PSMA1: variants seen among roughly 807,000 people sequenced by gnomAD.
PSMA1 encodes proteasome 20S subunit alpha 1.
Under a neutral mutation model 38.4 loss-of-function variants are expected in PSMA1, and 3 were observed. The observed-to-expected ratio is 0.08, with a 90% confidence interval of 0.04 to 0.20. The LOEUF (loss-of-function observed/expected upper bound fraction) is 0.20, where lower values mean the gene tolerates loss of function less well. Among genes scored for constraint, PSMA1 ranks in the 10% least tolerant of loss-of-function variants. PSMA1 has a pLI of 1.00. For missense variants in PSMA1, 227 were observed against 325.3 expected, an observed-to-expected ratio of 0.70 and a Z score of 2.32; for synonymous variants, 101 against 107.1, an observed-to-expected ratio of 0.94 and a Z score of 0.35.
At chr11:14,521,576 G>A (rs1381741567), upstream of PSMA1, among the ~76,000 whole-genome samples, 1 of 151,394 alleles carries the variant, frequency 6.6e-6, no homozygotes, top group Non-Finnish European at 1.5e-5. Context: ...ACGAGGTCAG[G>A]AGATCGGACC....
intron 9 of PSMA1, 118 bp downstream of exon 9, chr11:14,507,538 C>T: frequency 1.4e-6 from 1 of 715,254 alleles, no homozygotes; most frequent in Non-Finnish European, 2.4e-6. Context: ...TTCCTGTTGC[C>T]ATTTGAATTA....
At chr11:14,557,324 G>A (rs1851951484) in intron 2 of PSMA1, among the ~76,000 whole-genome samples, 1 of 148,852 alleles carries the variant, frequency 6.7e-6, no homozygotes. Flanking sequence ...TGCAACCTCC[G>A]CCTCCCAGGT....
intron 2 of PSMA1, among the ~76,000 whole-genome samples, chr11:14,596,172 T>A (rs1852490212): frequency 6.6e-6 from 1 of 152,210 alleles, no homozygotes; most frequent in South Asian, 2.1e-4. Context: ...TGAAGTCAGG[T>A]AGTGTGATGC....
intron 4 of PSMA1, among the ~76,000 whole-genome samples, chr11:14,516,985 A>C (rs907915086): frequency 6.6e-6 from 1 of 152,238 alleles, no homozygotes; most frequent in Non-Finnish European, 1.5e-5. Flanking sequence ...GAAAAAATTC[A>C]GTGTTTAGGT....
chr11:14,633,611 C>T (rs1853066000), intron 1 of PSMA1, among the ~76,000 whole-genome samples: 1 of 152,224 alleles, frequency 6.6e-6, no homozygotes, highest in Admixed American at 6.5e-5. Flanking sequence ...GCCCTGCCCC[C>T]AGAAGTGGAG....
chr11:14,515,555 C>CT lies in PSMA1; in HGVS notation c.255-1065dup, dbSNP rs779183596. Among the ~76,000 whole-genome samples the CT allele has an allele frequency of 1.2e-3, 160 of 135,880 alleles. 1 individual carries two copies. Among genetic ancestry groups the CT allele is most frequent in the African/African-American group, 2.1e-3 (77 of 37,066 alleles). 89.1% of individuals were successfully genotyped at this position (135,880 alleles called of 152,430 possible). ...GGGACTGGCTGAGTAAATTGAAATTCTTTTTTTTTTTTTTTAATACTGAGT... is the reference window on the plus strand; with the variant it reads ...GGGACTGGCTGAGTAAATTGAAATTCTTTTTTTTTTTTTTTTAATACTGAGT... On this transcript the variant is annotated intron_variant, in intron 4 of 9. Coordinates refer to ENST00000396394, the MANE Select transcript of PSMA1 (RefSeq NM_002786.4).
intron 1 of PSMA1, among the ~76,000 whole-genome samples, chr11:14,638,812 G>A (rs957243309): frequency 2.0e-5 from 3 of 150,510 alleles, no homozygotes; most frequent in East Asian, 1.9e-4. Flanking sequence ...CAGTGTCAAC[G>A]GTAGGCTGCC....
intron 2 of PSMA1, among the ~76,000 whole-genome samples, chr11:14,598,989 AC>A (rs2134192695): frequency 6.6e-6 from 1 of 152,046 alleles, no homozygotes; most frequent in East Asian, 1.9e-4. Flanking sequence ...TTTCTCCTTC[AC>A]TTATGAAGCT....
chr11:14,596,855 C>T (rs1852502130), intron 2 of PSMA1, among the ~76,000 whole-genome samples: 1 of 152,166 alleles, frequency 6.6e-6, no homozygotes, highest in Non-Finnish European at 1.5e-5. Flanking sequence ...AGTTTTTGCC[C>T]ATTCAGTATG....
intron 2 of PSMA1, among the ~76,000 whole-genome samples, chr11:14,579,688 A>T (rs1228179713): frequency 6.6e-6 from 1 of 152,028 alleles, no homozygotes; most frequent in East Asian, 1.9e-4. Flanking sequence ...CCATGTCTAG[A>T]TCTCTATTCT....
intron 1 of PSMA1, among the ~76,000 whole-genome samples, chr11:14,616,991 C>T (rs1193415351): frequency 1.3e-5 from 2 of 152,178 alleles, no homozygotes; most frequent in Non-Finnish European, 2.9e-5. Flanking sequence ...TAGTCACAGA[C>T]AGTGCTGGAC....
chr11:14,521,991 TTAAG>T (rs1187272114), upstream of PSMA1, among the ~76,000 whole-genome samples: 4 of 152,202 alleles, frequency 2.6e-5, no homozygotes, highest in Non-Finnish European at 5.9e-5. Context: ...GTAGCACATA[TTAAG>T]TGTTTATAAA....
chr11:14,600,821 C>T (rs1486499969), intron 2 of PSMA1, among the ~76,000 whole-genome samples: 1 of 152,168 alleles, frequency 6.6e-6, no homozygotes, highest in Non-Finnish European at 1.5e-5. Flanking sequence ...CCATCTTCTG[C>T]GTCGATCCTG....
intron 2 of PSMA1, among the ~76,000 whole-genome samples, chr11:14,535,610 A>C (rs908823682): frequency 6.6e-6 from 1 of 151,282 alleles, no homozygotes; most frequent in Non-Finnish European, 1.5e-5. Flanking sequence ...CACCCGGCTA[A>C]TTTTTGTATT....
intron 2 of PSMA1, among the ~76,000 whole-genome samples, chr11:14,538,586 A>C (rs563474051): frequency 2.6e-5 from 4 of 152,260 alleles, no homozygotes; most frequent in Non-Finnish European, 5.9e-5. Context: ...ATTTGGTTGA[A>C]AGGGTAAATC....
intron 2 of PSMA1, among the ~76,000 whole-genome samples, chr11:14,593,627 A>C (rs1236567921): frequency 6.9e-6 from 1 of 145,688 alleles, no homozygotes. Flanking sequence ...AGAGAGAGAG[A>C]GAGAGAGAGA....
upstream of PSMA1, among the ~76,000 whole-genome samples, chr11:14,522,911 A>G (rs1410162956): frequency 2.0e-5 from 3 of 152,220 alleles, no homozygotes; most frequent in African/African-American, 7.2e-5. Flanking sequence ...TTGACTTTTT[A>G]AAAATTTACT....
chr11:14,514,050 G>GTT (rs1851388246), intron 5 of PSMA1, 163 bp from the exon 6 acceptor site: 1 of 1,329,580 alleles, frequency 7.5e-7, no homozygotes, highest in Non-Finnish European at 9.6e-7. Context: ...AATATAAAAT[G>GTT]TTTGACTTTC....
chr11:14,576,684 C>T (rs1037916565), intron 2 of PSMA1, among the ~76,000 whole-genome samples: 14 of 152,054 alleles, frequency 9.2e-5, no homozygotes, highest in Non-Finnish European at 1.6e-4. Context: ...TTACTGTAGC[C>T]TTGTAGTATA....
Sources: allele counts gnomAD v4.1 joint callset (sites outside exome capture counted in the v4.1 genomes callset), GRCh38; gene constraint gnomAD v4.1.1; transcripts MANE v1.5; gene names NCBI Gene and HGNC (gene_info 2026-07-23, HGNC 2026-07-21).